The following BRAF variants were observed in gnomAD, a reference collection of about 807,000 sequenced individuals.
BRAF encodes serine/threonine-protein kinase B-raf.
A neutral mutation model predicts 104.6 loss-of-function variants in BRAF; 16 were observed. That is an observed-to-expected ratio of 0.15 (90% CI 0.10 to 0.23). BRAF has a LOEUF of 0.23. Among genes scored for constraint, BRAF ranks in the 10% least tolerant of loss-of-function variants. The pLI is 1.00. For missense variants in BRAF, 541 were observed against 937.3 expected (o/e 0.58, Z 5.52); for synonymous variants, 310 against 341.6 (o/e 0.91, Z 1.02).
Position 140,852,386 on chromosome 7 carries a change from C to G in BRAF, c.139-2174G>C, listed in dbSNP as rs370701249. Among the ~76,000 whole-genome samples, 235 of 139,274 alleles carry G rather than the reference C, an allele frequency of 1.7e-3. 2 individuals are homozygous for G. Among genetic ancestry groups the G allele is most frequent in the African/African-American group, 6.1e-3 (225 of 36,970 alleles). 91.4% of individuals were successfully genotyped at this position (139,274 alleles called of 152,430 possible). On this transcript the variant is annotated intron_variant, in intron 1 of 19. Coordinates refer to ENST00000644969, the MANE Select transcript of BRAF (RefSeq NM_001374258.1). The stretch of plus-strand genomic sequence containing the variant: ...TCAGTTTCTACCGCCACCCCACAAC[C>G]TGCCAAAAAAAAAAAAAAACCAAAA...
chr7:140,830,463 G>C (rs990209272), intron 3 of BRAF, among the ~76,000 whole-genome samples: 2 of 152,156 alleles, frequency 1.3e-5, no homozygotes, highest in South Asian at 4.1e-4. Context: ...GGTGCCAGGT[G>C]CATCTTTTGT....
intron 3 of BRAF, among the ~76,000 whole-genome samples, chr7:140,813,888 T>C (rs545400749): frequency 1.6e-4 from 23 of 147,448 alleles, no homozygotes; most frequent in South Asian, 1.5e-3. Context: ...GACGCATACA[T>C]ACACACACAC....
Position 140,725,907 on chromosome 7 carries a change from T to G in BRAF, c.*587A>C. On this transcript the variant is annotated 3_prime_UTR_variant, in exon 20 of 20. Coordinates refer to ENST00000644969, the MANE Select transcript of BRAF (RefSeq NM_001374258.1). Reference sequence around the variant, plus strand: ...ACATCTACTCACCACTCAGCCTCCATTTAAATAAAATAGTTTCCTTTTGAT... The same window carrying G: ...ACATCTACTCACCACTCAGCCTCCAGTTAAATAAAATAGTTTCCTTTTGAT... 9.4e-7 allele frequency: 1 copy of G among 1,062,534 alleles called. No homozygotes were observed. The highest frequency in any genetic ancestry group is 4.6e-5 in the South Asian group (1 of 21,962). The allele number at this position is 1,062,534 out of a possible 1,614,324, so 65.8% of individuals were successfully genotyped here.
chr7:140,735,254 C>G (rs777844270), intron 18 of BRAF, among the ~76,000 whole-genome samples: 1 of 152,192 alleles, frequency 6.6e-6, no homozygotes, highest in Non-Finnish European at 1.5e-5. Flanking sequence ...TTTACATACA[C>G]CTAATTGAAA....
At chr7:140,734,599 A>C (rs770631233) in intron 19 of BRAF, 2 of 1,613,928 alleles carry the variant, frequency 1.2e-6, no homozygotes, top group South Asian at 2.2e-5. Flanking sequence ...CATTTGTTTC[A>C]GTGGACAGGA....
Position 140,724,233 on chromosome 7 carries a change from C to T in BRAF, c.*2261G>A, listed in dbSNP as rs1482812499. ...CCTGCCCCACGGAGGCAGTCCCGGACCCAGGCTGCACATGTTCTACCTCCT... is the reference window on the plus strand; with the variant it reads ...CCTGCCCCACGGAGGCAGTCCCGGATCCAGGCTGCACATGTTCTACCTCCT... On this transcript the variant is annotated 3_prime_UTR_variant, in exon 20 of 20. Coordinates refer to ENST00000644969, the MANE Select transcript of BRAF (RefSeq NM_001374258.1). 1.9e-6 allele frequency: 2 copies of T among 1,059,454 alleles called. No homozygotes were observed. The highest frequency in any genetic ancestry group is 2.3e-6 in the Non-Finnish European group (2 of 875,654). The allele number at this position is 1,059,454 out of a possible 1,614,324, so 65.6% of individuals were successfully genotyped here.
chr7:140,775,347 T>G (rs1800235683), intron 14 of BRAF, among the ~76,000 whole-genome samples: 1 of 151,656 alleles, frequency 6.6e-6, no homozygotes, highest in African/African-American at 2.4e-5. Flanking sequence ...AAGATTTTAA[T>G]TCTTTTTTTT....
chr7:140,860,965 AC>A (rs1389418846), intron 1 of BRAF, among the ~76,000 whole-genome samples: 1 of 152,238 alleles, frequency 6.6e-6, no homozygotes, highest in Non-Finnish European at 1.5e-5. Flanking sequence ...CATCTGTATA[AC>A]AAAATACCAC....
chr7:140,811,566 T>G (rs753982906), intron 3 of BRAF, among the ~76,000 whole-genome samples: 3 of 152,234 alleles, frequency 2.0e-5, no homozygotes, highest in Non-Finnish European at 4.4e-5. Flanking sequence ...CCTTGGGATT[T>G]GATCTTATTT....
At chr7:140,734,797 G>GAAAAAAAAAAA (rs60814637) in intron 18 of BRAF, 27 bp from the exon 18 acceptor site, 25 of 1,129,996 alleles carry the variant, frequency 2.2e-5, no homozygotes, top group South Asian at 9.2e-5. Context: ...AAAAAAAAAA[G>GAAAAAAAAAAA]AAAAAAAAAG....
At chr7:140,734,814 GAA>G in intron 18 of BRAF, 44 bp from the exon 18 acceptor site, 1 of 1,064,188 alleles carries the variant, frequency 9.4e-7, no homozygotes, top group African/African-American at 5.0e-5. Context: ...AAAGAAAAAA[GAA>G]AAAAAAAGAA....
rs1186012749 is a variant in BRAF at position 140,874,389 on chromosome 7, A to G, written c.139-24177T>C. 2.0e-5 allele frequency among the ~76,000 whole-genome samples: 3 copies of G among 151,824 alleles called. 1 individual carries two copies. In the Middle Eastern group the frequency reaches 9.5e-3, roughly 480 times the overall value. ...GCTAATTTTTGTATTTTCAGTAGAG[A>G]CGGGGTTTCATCACGTTGGCCAGGA... On this transcript the variant is annotated intron_variant, in intron 1 of 19. Transcript: ENST00000644969.
At chr7:140,714,622 A>G (rs1332940420), downstream of BRAF, among the ~76,000 whole-genome samples, 1 of 152,136 alleles carries the variant, frequency 6.6e-6, no homozygotes, top group Non-Finnish European at 1.5e-5. Flanking sequence ...TGGCTTCCCA[A>G]AGTGCTGAGA....
Position 140,724,503 on chromosome 7 carries a change from T to G in BRAF, c.*1991A>C, listed in dbSNP as rs1355939269. Reference sequence around the variant, plus strand: ...ATTTTGTAAGACACTGCCCTGCTGATGTAAAACTTAAAAACAAATTTGCTT... The same window carrying G: ...ATTTTGTAAGACACTGCCCTGCTGAGGTAAAACTTAAAAACAAATTTGCTT... On this transcript the variant is annotated 3_prime_UTR_variant, in exon 20 of 20. Coordinates refer to ENST00000644969, the MANE Select transcript of BRAF (RefSeq NM_001374258.1). 1.9e-6 allele frequency: 2 copies of G among 1,051,070 alleles called. No homozygotes were observed. The highest frequency in any genetic ancestry group is 3.3e-5 in the African/African-American group (2 of 60,278). The allele number at this position is 1,051,070 out of a possible 1,614,324, so 65.1% of individuals were successfully genotyped here. A position where few individuals can be genotyped will look rare whatever the true frequency, so the allele number is the denominator to read the frequency against.
chr7:140,742,959 A>G (rs956764936), intron 17 of BRAF, among the ~76,000 whole-genome samples: 7 of 152,124 alleles, frequency 4.6e-5, no homozygotes, highest in African/African-American at 1.4e-4. Flanking sequence ...GCAGCCAAAA[A>G]ACACATGAAA....
chr7:140,781,565 T>G lies in BRAF; in HGVS notation c.1552+11A>C, dbSNP rs1454474045. On this transcript the variant is annotated intron_variant, in intron 12 of 19. Transcript: ENST00000644969. ...ATGACTTGTCACAATGTCACCACAT[T>G]ACATACTTACCATGCCACTTTCCCT... The G allele has an allele frequency of 1.9e-6, 3 of 1,607,080 alleles. No individual in the cohort carries two copies. Among genetic ancestry groups the G allele is most frequent in the Non-Finnish European group, 2.6e-6 (3 of 1,173,712 alleles).
chr7:140,849,976 G>A, intron 2 of BRAF, 135 bp downstream of exon 2: 1 of 657,966 alleles, frequency 1.5e-6, no homozygotes, highest in Non-Finnish European at 2.6e-6. Context: ...TATAATACAG[G>A]CAAAGCTAAT....
chr7:140,795,403 T>G (rs1328216644), intron 7 of BRAF, among the ~76,000 whole-genome samples: 1 of 152,210 alleles, frequency 6.6e-6, no homozygotes, highest in Non-Finnish European at 1.5e-5. Context: ...GACCAATGAA[T>G]GGCTAAGTGC....
At chr7:140,907,997 G>A (rs939495977) in intron 1 of BRAF, among the ~76,000 whole-genome samples, 1 of 149,500 alleles carries the variant, frequency 6.7e-6, no homozygotes, top group African/African-American at 2.5e-5. Context: ...CGCCTGCCTT[G>A]GCCTCCCAAA....
Sources: gnomAD v4.1 joint callset for allele counts (sites outside exome capture counted in the v4.1 genomes callset) on GRCh38, gnomAD v4.1.1 for gene constraint, MANE v1.5 for transcripts, NCBI Gene and HGNC (gene_info 2026-07-23, HGNC 2026-07-21) for gene names.